Variants in SGMS1 observed in about 807,000 individuals in gnomAD.
The protein encoded by SGMS1 is phosphatidylcholine:ceramide cholinephosphotransferase 1.
A neutral mutation model predicts 46.2 loss-of-function variants in SGMS1; 13 were observed. That is an observed-to-expected ratio of 0.28 (90% confidence interval 0.18 to 0.45). The LOEUF is 0.45. SGMS1 is among the 20% of genes least tolerant of loss of function. The pLI, the probability that SGMS1 is intolerant of heterozygous loss-of-function variation, is 1.00. For synonymous variants in SGMS1, 203 were observed against 187.8 expected (o/e 1.08, Z -0.66); for missense variants, 324 against 519.9 (o/e 0.62, Z 3.66).
intron 2 of SGMS1, among the ~76,000 whole-genome samples, chr10:50,536,901 T>C (rs1838007027): frequency 6.6e-6 from 1 of 152,222 alleles, no homozygotes; most frequent in Non-Finnish European, 1.5e-5. Context: ...CTGGGTTGCT[T>C]CCAATGTTCA....
At chr10:50,509,295 T>C (rs576751957) in intron 3 of SGMS1, among the ~76,000 whole-genome samples, 1 of 152,222 alleles carries the variant, frequency 6.6e-6, no homozygotes, top group Non-Finnish European at 1.5e-5. Context: ...TTAAGAGCTC[T>C]ACAGCTTCAA....
chr10:50,497,636 T>A (rs1407404771), intron 3 of SGMS1, among the ~76,000 whole-genome samples: 1 of 152,038 alleles, frequency 6.6e-6, no homozygotes, highest in Non-Finnish European at 1.5e-5. Flanking sequence ...CTACTAAAAA[T>A]ACAAAAAATT....
At chr10:50,613,308 C>G (rs2131933485) in intron 1 of SGMS1, among the ~76,000 whole-genome samples, 1 of 152,326 alleles carries the variant, frequency 6.6e-6, no homozygotes. Context: ...AGCTTTGATA[C>G]TGTACTCACT....
intron 6 of SGMS1, among the ~76,000 whole-genome samples, chr10:50,355,685 C>A (rs1278967496): frequency 2.0e-5 from 3 of 152,258 alleles, no homozygotes; most frequent in African/African-American, 7.2e-5. Context: ...AGCCTCTGCA[C>A]GGCTGCCACC....
chr10:50,392,541 G>A (rs945297326), intron 6 of SGMS1, among the ~76,000 whole-genome samples: 1 of 152,106 alleles, frequency 6.6e-6, no homozygotes, highest in Non-Finnish European at 1.5e-5. Flanking sequence ...CATACCAGCA[G>A]AGCTGTCTTC....
chr10:50,385,941 C>A (rs1448762051), intron 6 of SGMS1, among the ~76,000 whole-genome samples: 5 of 152,084 alleles, frequency 3.3e-5, no homozygotes, highest in African/African-American at 9.7e-5. Flanking sequence ...AAACTACTAT[C>A]CTCTGCTTGC....
intron 6 of SGMS1, among the ~76,000 whole-genome samples, chr10:50,379,357 C>T (rs757879987): frequency 1.3e-5 from 2 of 152,116 alleles, no homozygotes; most frequent in South Asian, 4.1e-4. Flanking sequence ...TATATCTGTA[C>T]ATACCAACAT....
intron 6 of SGMS1, among the ~76,000 whole-genome samples, chr10:50,431,914 CA>C (rs1181045446): frequency 6.6e-6 from 1 of 152,190 alleles, no homozygotes; most frequent in African/African-American, 2.4e-5. Context: ...TGCCAGGGGT[CA>C]GTTATGAAGC....
intron 6 of SGMS1, among the ~76,000 whole-genome samples, chr10:50,357,649 G>C (rs1395316680): frequency 6.6e-6 from 1 of 152,094 alleles, no homozygotes; most frequent in Admixed American, 6.5e-5. Flanking sequence ...TATTAGTTAA[G>C]GGAATTTGCA....
chr10:50,376,749 A>G (rs553086271), intron 6 of SGMS1, among the ~76,000 whole-genome samples: 15 of 152,192 alleles, frequency 9.9e-5, no homozygotes, highest in Admixed American at 5.2e-4. Context: ...ATGTCCCTAC[A>G]AAGGACATGA....
chr10:50,591,672 C>T (rs1838542227), intron 1 of SGMS1, among the ~76,000 whole-genome samples: 3 of 152,294 alleles, frequency 2.0e-5, no homozygotes, highest in South Asian at 4.1e-4. Flanking sequence ...GCATCGCTGG[C>T]GATTTGTAAC....
intron 7 of SGMS1, chr10:50,335,898 C>A (rs1847708018): frequency 6.6e-6 from 1 of 152,160 alleles, no homozygotes; most frequent in African/African-American, 2.4e-5. Context: ...AATCTGCCTA[C>A]AAGTCAAATT....
At chr10:50,527,435 C>T (rs1305767176) in intron 2 of SGMS1, among the ~76,000 whole-genome samples, 1 of 152,176 alleles carries the variant, frequency 6.6e-6, no homozygotes, top group Non-Finnish European at 1.5e-5. Context: ...CCCTAATTTA[C>T]AGATGAGAAA....
intron 7 of SGMS1, among the ~76,000 whole-genome samples, chr10:50,328,710 T>C (rs965569491): frequency 6.6e-6 from 1 of 152,250 alleles, no homozygotes; most frequent in Non-Finnish European, 1.5e-5. Context: ...GCTTATTTTC[T>C]CTTAGTCAAG....
intron 2 of SGMS1, among the ~76,000 whole-genome samples, chr10:50,544,626 A>G (rs1306771110): frequency 1.3e-5 from 2 of 152,240 alleles, no homozygotes; most frequent in Admixed American, 6.5e-5. Context: ...AAGAAGTAAA[A>G]CTGAAGTAGG....
chr10:50,392,770 C>A (rs780255058), intron 6 of SGMS1, among the ~76,000 whole-genome samples: 4 of 152,216 alleles, frequency 2.6e-5, no homozygotes, highest in African/African-American at 9.6e-5. Flanking sequence ...TAAAATACTG[C>A]CCCTCTTTCC....
At chr10:50,335,745 T>C (rs74131283) in intron 7 of SGMS1, 27,999 of 152,130 alleles carry the variant, frequency 0.18, 3,280 homozygotes, top group African/African-American at 0.33. Context: ...AATGATACCA[T>C]TTAGAAATAC....
intron 6 of SGMS1, among the ~76,000 whole-genome samples, chr10:50,402,056 C>G (rs971951061): frequency 6.6e-6 from 1 of 152,188 alleles, no homozygotes. Flanking sequence ...AAAAAAATCT[C>G]CATTTACCTT....
chr10:50,527,878 T>C (rs117208107), intron 2 of SGMS1, among the ~76,000 whole-genome samples: 7 of 152,292 alleles, frequency 4.6e-5, no homozygotes, highest in African/African-American at 7.2e-5. Flanking sequence ...CTGGATTTGA[T>C]TGGCAGGTCC....
Sources: gnomAD v4.1 joint callset for allele counts (sites outside exome capture counted in the v4.1 genomes callset) on GRCh38, gnomAD v4.1.1 for gene constraint, MANE v1.5 for transcripts, NCBI Gene and HGNC (gene_info 2026-07-23, HGNC 2026-07-21) for gene names.